The following NECAB3 variants were observed in gnomAD, a reference collection of about 807,000 sequenced individuals.
NECAB3 encodes N-terminal EF-hand calcium binding protein 3, also known as N-terminal EF-hand calcium-binding protein 3.
Under a neutral mutation model 57.2 loss-of-function variants are expected in NECAB3, and 38 were observed. That is an observed-to-expected ratio of 0.66 (90% confidence interval 0.51 to 0.87). The LOEUF (loss-of-function observed/expected upper bound fraction) is 0.87, where lower values mean the gene tolerates loss of function less well. Among genes scored for constraint, NECAB3 ranks in the 40% least tolerant of loss-of-function variants. NECAB3 has a pLI of 0.00. For synonymous variants in NECAB3, 223 were observed against 222.6 expected, an observed-to-expected ratio of 1.00 and a Z score of -0.02; for missense variants, 474 against 527.5, an observed-to-expected ratio of 0.90 and a Z score of 0.99.
intron 5 of NECAB3, chr20:33,663,713 A>C (rs999688083): frequency 6.5e-7 from 1 of 1,529,950 alleles, no homozygotes; most frequent in Non-Finnish European, 8.7e-7. Flanking sequence ...CGGCGGCAAG[A>C]GGCGCGGCGG....
At chr20:33,669,003 C>A (rs2017764779) in intron 5 of NECAB3, 1 of 270,642 alleles carries the variant, frequency 3.7e-6, no homozygotes, top group African/African-American at 2.2e-5. Context: ...CACGCCTAGC[C>A]CAGCCCTGAA....
intron 5 of NECAB3, chr20:33,668,035 G>A: frequency 6.5e-7 from 1 of 1,549,670 alleles, no homozygotes; most frequent in East Asian, 2.4e-5. Context: ...CGAGCGCCTG[G>A]ACAAGGAGCT....
At chr20:33,674,082 C>T in intron 1 of NECAB3, 142 bp downstream of exon 1, 1 of 898,688 alleles carries the variant, frequency 1.1e-6, no homozygotes, top group Admixed American at 4.5e-5. Flanking sequence ...CACACAAGGG[C>T]AGAAAGGTCA....
At chr20:33,658,660 C>G in intron 9 of NECAB3, 62 bp downstream of exon 9, 1 of 1,597,330 alleles carries the variant, frequency 6.3e-7, no homozygotes, top group South Asian at 1.1e-5. Context: ...TGGCCAGCCC[C>G]AGCACCCCTC....
At chr20:33,668,369 G>A in intron 5 of NECAB3, 3 of 1,288,644 alleles carry the variant, frequency 2.3e-6, no homozygotes, top group Non-Finnish European at 3.1e-6. Flanking sequence ...CCCTTTCTGG[G>A]CCAGGAGAAG....
chr20:33,667,349 G>T, intron 5 of NECAB3: 1 of 1,049,758 alleles, frequency 9.5e-7, no homozygotes. Flanking sequence ...GCGCTGGAAG[G>T]GCTGTGGGAG....
At chr20:33,662,529 G>A (rs2017513438) in intron 5 of NECAB3, 2 of 1,530,940 alleles carry the variant, frequency 1.3e-6, no homozygotes, top group Admixed American at 2.0e-5. Flanking sequence ...AGAGAAAGCT[G>A]GACAAGTGGG....
chr20:33,663,586 GGGCAA>G (rs762812321), intron 5 of NECAB3: 1 of 1,611,412 alleles, frequency 6.2e-7, no homozygotes, highest in Non-Finnish European at 8.5e-7. Context: ...GGCCAACGCT[GGGCAA>G]CGGATTGACT....
At chr20:33,658,371 A>G in intron 10 of NECAB3, 106 bp downstream of exon 10, 1 of 1,205,570 alleles carries the variant, frequency 8.3e-7, no homozygotes, top group East Asian at 2.3e-5. Context: ...GGGGTCACTC[A>G]TCTGAGGTCA....
intron 3 of NECAB3, chr20:33,670,432 C>T (rs968474616): frequency 9.7e-6 from 4 of 411,042 alleles, no homozygotes; most frequent in African/African-American, 4.1e-5. Context: ...CTGTGGGAAG[C>T]GGGAATGGGG....
At chr20:33,674,440 G>C, upstream of NECAB3, 4 of 1,036,440 alleles carry the variant, frequency 3.9e-6, no homozygotes, top group Non-Finnish European at 4.6e-6. Flanking sequence ...CCGCCCCTTG[G>C]CGCCGGCGCC....
chr20:33,666,252 A>G (rs1164282677), intron 5 of NECAB3, among the ~76,000 whole-genome samples: 1 of 152,194 alleles, frequency 6.6e-6, no homozygotes, highest in Non-Finnish European at 1.5e-5. Flanking sequence ...GGGGCCACAC[A>G]TCTGGACAGA....
chr20:33,674,317 G>C lies in NECAB3; in HGVS notation c.36C>G (p.Leu12=). ...ACAGLLTVCL[L]RPPAPQPQPQ... ...GCTGGGGCTGGGGCGCGGGCGGCCGGAGCAGGCACACGGTGAGCAGCCCCG... is the reference window on the plus strand; with the variant it reads ...GCTGGGGCTGGGGCGCGGGCGGCCGCAGCAGGCACACGGTGAGCAGCCCCG... The change falls in exon 1 of 12, where the codon CTC becomes CTG. Residue 12 remains leucine (L), a synonymous_variant. Coordinates refer to ENST00000246190, the MANE Select transcript of NECAB3 (RefSeq NM_031232.4). The C allele has an allele frequency of 8.2e-7, 1 of 1,218,240 alleles. No individual in the cohort carries two copies. 75.5% of individuals were successfully genotyped at this position (1,218,240 alleles called of 1,614,324 possible).
chr20:33,665,470 C>CG, intron 5 of NECAB3: 1 of 94,314 alleles, frequency 1.1e-5, no homozygotes, highest in East Asian at 5.5e-4. Flanking sequence ...GACTCCATCT[C>CG]AAAAAACAAA....
At position 33,660,191 on chromosome 20, in the gene NECAB3, G is replaced by A. The variant is rs144063118; in HGVS notation, c.524+68C>T. On this transcript the variant is annotated intron_variant, in intron 6 of 11. Transcript: ENST00000246190. The surrounding 1 kb of genome is among the most constrained non-coding windows in gnomAD (Gnocchi z 4.1). ...AGGCTCCAGGATGCTGGGACTGTGG[G>A]GATTTGGAATGGGGGTACAATGGGC... is the stretch of plus-strand genomic sequence containing the variant. The A allele has an allele frequency of 2.9e-3, 4,548 of 1,578,014 alleles. 120 individuals are homozygous for A. In the African/African-American group the frequency reaches 0.054, roughly 19 times the overall value.
intron 1 of NECAB3, among the ~76,000 whole-genome samples, chr20:33,673,563 A>G (rs897685630): frequency 6.6e-6 from 1 of 152,132 alleles, no homozygotes; most frequent in African/African-American, 2.4e-5. Context: ...ACTTGGGAAG[A>G]AGGAGGGTCA....
intron 5 of NECAB3, chr20:33,662,311 GT>G: frequency 6.5e-7 from 1 of 1,549,382 alleles, no homozygotes; most frequent in African/African-American, 1.4e-5. Flanking sequence ...CAGACGGAGT[GT>G]GGGCCATCGT....
Position 33,658,025 on chromosome 20 carries a change from T to A in NECAB3, c.1079A>T (p.Gln360Leu). The A allele has an allele frequency of 2.6e-6, 4 of 1,551,324 alleles. No homozygotes were observed. The highest frequency in any genetic ancestry group is 3.5e-6 in the Non-Finnish European group (4 of 1,147,224). Reference sequence around the variant, plus strand: ...CTGGAAGGCCTTGCTGCCAGGCGACTGCTGGTGCCTGCAGAGACCCAGGCT... The same window carrying A: ...CTGGAAGGCCTTGCTGCCAGGCGACAGCTGGTGCCTGCAGAGACCCAGGCT... ...QDEASWRRHQ[Q>L]SPGSKAFQRI... is the part of the protein sequence containing the mutation. The change falls in exon 11 of 12, where the codon CAG becomes CTG. Residue 360 changes from glutamine to leucine, a missense_variant. Physicochemically the swap from Gln to Leu is moderately radical, Grantham distance 113. Transcript: ENST00000246190.
chr20:33,667,251 G>A (rs888009595), intron 5 of NECAB3: 2 of 415,224 alleles, frequency 4.8e-6, no homozygotes, highest in South Asian at 8.1e-5. Flanking sequence ...GGGACCGGCC[G>A]GTGCTGCCCG....
Sources: gnomAD v4.1 joint callset for allele counts (sites outside exome capture counted in the v4.1 genomes callset) on GRCh38, gnomAD v4.1.1 for gene constraint, Gnocchi (gnomAD v3.1) non-coding constraint, MANE v1.5 for transcripts, NCBI Gene and HGNC (gene_info 2026-07-23, HGNC 2026-07-21) for gene names.